The following KCNH1 variants were observed in gnomAD, a reference collection of about 807,000 sequenced individuals.
The protein encoded by KCNH1 is voltage-gated delayed rectifier potassium channel KCNH1.
Under a neutral mutation model 69.2 loss-of-function variants are expected in KCNH1, and 27 were observed. The ratio of observed to expected loss-of-function variants is 0.39; its 90% CI spans 0.29 to 0.54. The LOEUF (loss-of-function observed/expected upper bound fraction) is 0.54. Among genes scored for constraint, KCNH1 ranks in the 20% least tolerant of loss-of-function variants. The probability of loss-of-function intolerance (pLI) is 0.68; values close to 1 mark genes in which losing one functional copy is unlikely to be tolerated. For missense variants in KCNH1, 798 were observed against 1,261.6 expected (o/e 0.63, Z 5.57); for synonymous variants, 456 against 487.7 (o/e 0.93, Z 0.86).
intron 7 of KCNH1, among the ~76,000 whole-genome samples, chr1:210,845,646 G>T (rs138840791): frequency 0.026 from 3,890 of 152,238 alleles, 176 homozygotes; most frequent in African/African-American, 0.088. Flanking sequence ...AAAACTGGAA[G>T]CATTCCCTTT....
At chr1:211,104,245 A>G (rs1404366635) in intron 2 of KCNH1, among the ~76,000 whole-genome samples, 2 of 152,204 alleles carry the variant, frequency 1.3e-5, no homozygotes, top group Non-Finnish European at 2.9e-5. Flanking sequence ...AAGCAATGGG[A>G]GCACAATGGG....
chr1:211,081,324 G>T (rs1402316694), intron 5 of KCNH1, among the ~76,000 whole-genome samples: 2 of 152,220 alleles, frequency 1.3e-5, no homozygotes, highest in African/African-American at 4.8e-5. Context: ...AACAACAGGT[G>T]CTAGAGAGGA....
intron 6 of KCNH1, among the ~76,000 whole-genome samples, chr1:210,980,614 A>T (rs544587078): frequency 6.6e-6 from 1 of 152,228 alleles, no homozygotes; most frequent in Non-Finnish European, 1.5e-5. Flanking sequence ...AGGAAAGAAA[A>T]GAATCATTTG....
At chr1:210,894,103 C>A (rs1686808420) in intron 7 of KCNH1, among the ~76,000 whole-genome samples, 1 of 152,108 alleles carries the variant, frequency 6.6e-6, no homozygotes, top group Non-Finnish European at 1.5e-5. Context: ...GTATTTTCTT[C>A]TTTCTTTGCT....
chr1:210,912,304 C>T (rs560609176), intron 7 of KCNH1, among the ~76,000 whole-genome samples: 19 of 152,264 alleles, frequency 1.2e-4, no homozygotes, highest in Non-Finnish European at 2.2e-4. Flanking sequence ...GCCAGTCAAG[C>T]CTGAACAGTG....
chr1:210,878,637 G>T (rs914869591), intron 7 of KCNH1, among the ~76,000 whole-genome samples: 30 of 152,080 alleles, frequency 2.0e-4, no homozygotes, highest in African/African-American at 7.2e-4. Flanking sequence ...CAAATACAGT[G>T]CATAGAGGAA....
At chr1:211,082,702 C>T (rs1352564534) in intron 5 of KCNH1, 78 bp downstream of exon 5, 7 of 1,122,374 alleles carry the variant, frequency 6.2e-6, no homozygotes, top group East Asian at 2.4e-5. Context: ...ATGATTAGCA[C>T]ACTAGTTTTG....
chr1:210,922,667 G>A (rs1687489229), intron 6 of KCNH1, among the ~76,000 whole-genome samples: 1 of 152,132 alleles, frequency 6.6e-6, no homozygotes, highest in Non-Finnish European at 1.5e-5. Context: ...AAAAAGGGCT[G>A]AGAAAATCCC....
At chr1:210,910,295 A>ATT (rs1687203951) in intron 7 of KCNH1, among the ~76,000 whole-genome samples, 1 of 122,876 alleles carries the variant, frequency 8.1e-6, no homozygotes, top group African/African-American at 3.1e-5. Flanking sequence ...AAAAAAAAAA[A>ATT]TCATCAAATT....
At chr1:211,073,457 T>C (rs1690681586) in intron 5 of KCNH1, among the ~76,000 whole-genome samples, 2 of 152,198 alleles carry the variant, frequency 1.3e-5, no homozygotes, top group Non-Finnish European at 2.9e-5. Context: ...TTCACTAAGA[T>C]AGGCCACATT....
At chr1:210,692,044 A>T (rs182080604) in intron 10 of KCNH1, among the ~76,000 whole-genome samples, 402 of 152,258 alleles carry the variant, frequency 2.6e-3, no homozygotes, top group African/African-American at 9.5e-3. Flanking sequence ...TTCTCAGGGG[A>T]CCTGGTCCAC....
At chr1:210,912,913 T>G (rs561081149) in intron 7 of KCNH1, among the ~76,000 whole-genome samples, 1 of 152,120 alleles carries the variant, frequency 6.6e-6, no homozygotes, top group Non-Finnish European at 1.5e-5. Flanking sequence ...CTGGACCAAA[T>G]AGCAGGCAAA....
In KCNH1 at chr1:210,919,654, A is replaced by T; in HGVS notation, c.1448T>A (p.Ile483Asn). 1 of 1,613,134 alleles carries T rather than the reference A, an allele frequency of 6.2e-7. No individual in the cohort carries two copies. Among genetic ancestry groups the T allele is most frequent in the Non-Finnish European group, 8.5e-7 (1 of 1,179,240 alleles). The change falls in exon 7 of 11, where the codon ATC (isoleucine) becomes AAC (asparagine). Residue 483 changes from isoleucine (I) to asparagine (N), a missense_variant. Physicochemically the swap from Ile to Asn is moderately radical, Grantham distance 149. Coordinates refer to ENST00000271751, the MANE Select transcript of KCNH1 (RefSeq NM_172362.3). This position sits in a 1 kb window ranked among gnomAD's most constrained non-coding sequence, Gnocchi z 4.2. ...TDIEKIFAVA[I>N]MMIGSLLYAT... is the part of the protein sequence containing the mutation. ...GTCATACTTACAGCCAATCATCATG[A>T]TGGCCACTGCAAAGATCTTCTCAAT...
chr1:210,905,283 T>A lies in KCNH1; in HGVS notation c.1462+14357A>T, dbSNP rs138446648. ...GAATAATAGTCCCATCTCACAGGGT[T>A]ATCAGGATTAAATTAGTCAATATGA... On this transcript the variant is annotated intron_variant, in intron 7 of 10. Transcript: ENST00000271751. Among the ~76,000 whole-genome samples the A allele has an allele frequency of 4.9e-3, 753 of 152,334 alleles. 2 individuals are homozygous for A. The highest frequency in any genetic ancestry group is 0.017 in the African/African-American group (704 of 41,566).
chr1:210,879,602 C>A (rs949394794), intron 7 of KCNH1, among the ~76,000 whole-genome samples: 1 of 151,962 alleles, frequency 6.6e-6, no homozygotes, highest in African/African-American at 2.4e-5. Flanking sequence ...TACAGGGGAA[C>A]CTCCTCAACC....
At chr1:210,685,427 T>G (rs1352939145) in intron 10 of KCNH1, among the ~76,000 whole-genome samples, 1 of 152,108 alleles carries the variant, frequency 6.6e-6, no homozygotes, top group South Asian at 2.1e-4. Context: ...ACCCAAAACC[T>G]GTCCCAGGGA....
At chr1:210,691,787 G>C (rs1172528160) in intron 10 of KCNH1, among the ~76,000 whole-genome samples, 1 of 152,214 alleles carries the variant, frequency 6.6e-6, no homozygotes, top group African/African-American at 2.4e-5. Flanking sequence ...AACTTGTCAG[G>C]ATGGACCAAT....
At position 211,103,518 on chromosome 1, in the gene KCNH1, T is replaced by C; in HGVS notation, c.288A>G (p.Glu96=). ...CACTGTTCTTCTTGTACATCAGAAT[T>C]TCAAAGGAATTCATCTCATAGTTCT... The part of the protein sequence containing the change: ...TFENYEMNSF[E]ILMYKKNRTP... Residue 96 remains glutamate (E), a synonymous_variant, in exon 3 of 11, where the codon GAA becomes GAG. Transcript: ENST00000271751. 6.2e-7 allele frequency: 1 copy of C among 1,611,462 alleles called. No individual in the cohort carries two copies. The highest frequency in any genetic ancestry group is 8.5e-7 in the Non-Finnish European group (1 of 1,178,126).
intron 6 of KCNH1, among the ~76,000 whole-genome samples, chr1:210,925,792 A>G (rs536383602): frequency 2.6e-5 from 4 of 152,338 alleles, no homozygotes; most frequent in African/African-American, 9.6e-5. Context: ...TTTCTCTACC[A>G]GCCCTGGTAA....
Sources: gnomAD v4.1 joint callset for allele counts (sites outside exome capture counted in the v4.1 genomes callset) on GRCh38, gnomAD v4.1.1 for gene constraint, Gnocchi (gnomAD v3.1) non-coding constraint, MANE v1.5 for transcripts, NCBI Gene and HGNC (gene_info 2026-07-23, HGNC 2026-07-21) for gene names.